The following PLEKHA7 variants were observed in gnomAD, a reference collection of about 807,000 sequenced individuals.
The protein encoded by PLEKHA7 is pleckstrin homology domain-containing family A member 7.
In PLEKHA7, 104 loss-of-function variants were observed where a neutral mutation model predicts 170.0. The ratio of observed to expected loss-of-function variants is 0.61; its 90% CI spans 0.52 to 0.72. The LOEUF (loss-of-function observed/expected upper bound fraction) is 0.72, where lower values mean the gene tolerates loss of function less well. Among genes scored for constraint, PLEKHA7 ranks in the 30% least tolerant of loss-of-function variants. The probability of loss-of-function intolerance (pLI) is 0.00; values close to 1 mark genes in which losing one functional copy is unlikely to be tolerated. For synonymous variants in PLEKHA7, 648 were observed against 660.8 expected, an observed-to-expected ratio of 0.98 and a Z score of 0.30; for missense variants, 1,615 against 1,671.7, an observed-to-expected ratio of 0.97 and a Z score of 0.59.
At chr11:16,947,785 G>A (rs1292290015) in intron 3 of PLEKHA7, among the ~76,000 whole-genome samples, 26 of 150,638 alleles carry the variant, frequency 1.7e-4, no homozygotes, top group African/African-American at 4.6e-4. Flanking sequence ...GCTTGGTGGC[G>A]CATGCCTGTA....
At chr11:16,816,376 A>C (rs1030636092) in intron 11 of PLEKHA7, 112 bp from the exon 12 acceptor site, 1 of 745,434 alleles carries the variant, frequency 1.3e-6, no homozygotes, top group Non-Finnish European at 2.4e-6. Context: ...TCATCTATGA[A>C]ATGAGCACAC....
rs191967661 is a variant in PLEKHA7, at chr11:16,864,383, T to G, written c.305+6716A>C. Reference sequence around the variant, plus strand: ...ATAATACTAGCAATACTATTAATATTATTTATTTTAAAAGCTCCCAACTCT... The same window carrying G: ...ATAATACTAGCAATACTATTAATATGATTTATTTTAAAAGCTCCCAACTCT... On this transcript the variant is annotated intron_variant, in intron 4 of 26. Transcript: ENST00000531066. Among the ~76,000 whole-genome samples the G allele has an allele frequency of 2.8e-3, 430 of 152,316 alleles. 1 individual carries two copies. Among genetic ancestry groups the G allele is most frequent in the African/African-American group, 9.8e-3 (407 of 41,566 alleles).
chr11:16,913,250 T>TC (rs1565108243), intron 3 of PLEKHA7, among the ~76,000 whole-genome samples: 1 of 152,004 alleles, frequency 6.6e-6, no homozygotes, highest in Admixed American at 6.5e-5. Flanking sequence ...CATTTTTTTT[T>TC]CCCCCAAAGA....
Position 16,794,600 on chromosome 11 carries a change from T to A in PLEKHA7, c.2633A>T (p.Glu878Val), listed in dbSNP as rs764066381. The A allele has an allele frequency of 6.2e-7, 1 of 1,613,440 alleles. No individual in the cohort carries two copies. Among genetic ancestry groups the A allele is most frequent in the Non-Finnish European group, 8.5e-7 (1 of 1,179,740 alleles). Reference protein sequence around the residue: ...PPTSPVRTPLEVRLFPQLQTY... With the variant: ...PPTSPVRTPLVVRLFPQLQTY... The stretch of plus-strand genomic sequence containing the variant: ...TTGCAGCTGGGGGAAGAGTCGAACC[T>A]CCAGAGGGGTCCGCACAGGGCTGGT... Residue 878 changes from glutamate (E) to valine (V), a missense_variant, in exon 19 of 27, where the codon GAG (glutamate) becomes GTG (valine). By Grantham distance (121) the Glu-to-Val change is moderately radical. Coordinates refer to ENST00000531066, the MANE Select transcript of PLEKHA7 (RefSeq NM_001329630.2).
intron 3 of PLEKHA7, among the ~76,000 whole-genome samples, chr11:17,004,023 GAA>G (rs1864832050): frequency 6.6e-6 from 1 of 152,214 alleles, no homozygotes; most frequent in Non-Finnish European, 1.5e-5. Flanking sequence ...ACCTAAGACT[GAA>G]CAGGGGGAAC....
In PLEKHA7 at chr11:16,777,375, TATTC is replaced by T. The variant is rs1424530927; in HGVS notation, c.*1619_*1622del. On this transcript the variant is annotated 3_prime_UTR_variant, in exon 27 of 27. Transcript: ENST00000531066. ...TTTAAATTAACTTTTTCTTGCAAAATATTCATTTCATTTTTTCCAAGAAAATCTT... is the reference window on the plus strand; with the variant it reads ...TTTAAATTAACTTTTTCTTGCAAAATATTTCATTTTTTCCAAGAAAATCTT... 1.3e-5 allele frequency: 2 copies of T among 152,200 alleles called. No homozygotes were observed. The highest frequency in any genetic ancestry group is 2.9e-5 in the Non-Finnish European group (2 of 68,030). The allele number at this position is 152,200 out of a possible 1,614,324, so 9.4% of individuals were successfully genotyped here.
At chr11:16,913,532 G>C (rs919468657) in intron 3 of PLEKHA7, among the ~76,000 whole-genome samples, 1 of 152,222 alleles carries the variant, frequency 6.6e-6, no homozygotes, top group Non-Finnish European at 1.5e-5. Flanking sequence ...AGGTGAACAA[G>C]GCTGCCTGCA....
chr11:16,949,187 C>G (rs953845889), intron 3 of PLEKHA7, among the ~76,000 whole-genome samples: 1 of 152,096 alleles, frequency 6.6e-6, no homozygotes, highest in African/African-American at 2.4e-5. Context: ...GTAACCCCCC[C>G]ATCTGCCTCC....
At chr11:16,885,266 G>A (rs1043833160) in intron 3 of PLEKHA7, among the ~76,000 whole-genome samples, 9 of 151,520 alleles carry the variant, frequency 5.9e-5, no homozygotes, top group Non-Finnish European at 1.3e-4. Flanking sequence ...GGTGGCAGAG[G>A]TTGCAGCGAG....
At chr11:16,836,894 G>C (rs916476209) in intron 9 of PLEKHA7, among the ~76,000 whole-genome samples, 2 of 151,702 alleles carry the variant, frequency 1.3e-5, no homozygotes, top group Non-Finnish European at 2.9e-5. Flanking sequence ...CATGATCTTG[G>C]CTCACTGAAA....
chr11:16,830,482 A>C (rs1851023671), intron 9 of PLEKHA7, among the ~76,000 whole-genome samples: 1 of 152,220 alleles, frequency 6.6e-6, no homozygotes, highest in African/African-American at 2.4e-5. Context: ...ATACCCAGGT[A>C]ATTGTATCTC....
At chr11:16,914,652 T>C (rs16933682) in intron 3 of PLEKHA7, among the ~76,000 whole-genome samples, 18,132 of 152,200 alleles carry the variant, frequency 0.12, 1,270 homozygotes, top group Admixed American at 0.17. Flanking sequence ...TTGGGACTTA[T>C]TGGATTAACC....
At position 16,782,788 on chromosome 11, in the gene PLEKHA7, G is replaced by C; in HGVS notation, c.3759C>G (p.Ala1253=). ...ERIINISYAL[A]SEASQRSKQV... is the part of the protein sequence containing the mutation. Reference sequence around the variant, plus strand: ...GCTTGCTACGCTGGGAGGCCTCGGAGGCCAGGGCGTAGGAGATGTTGATGA... The same window carrying C: ...GCTTGCTACGCTGGGAGGCCTCGGACGCCAGGGCGTAGGAGATGTTGATGA... The change falls in exon 26 of 27, where the codon GCC becomes GCG. Residue 1253 remains alanine, a synonymous_variant. Coordinates refer to ENST00000531066, the MANE Select transcript of PLEKHA7 (RefSeq NM_001329630.2). 6.5e-7 allele frequency: 1 copy of C among 1,536,188 alleles called. No homozygotes were observed. The highest frequency in any genetic ancestry group is 8.7e-7 in the Non-Finnish European group (1 of 1,146,918).
intron 3 of PLEKHA7, among the ~76,000 whole-genome samples, chr11:16,872,979 C>A (rs1194204447): frequency 6.6e-6 from 1 of 152,124 alleles, no homozygotes; most frequent in Non-Finnish European, 1.5e-5. Context: ...GTGCCTCCCC[C>A]CCACTATTAT....
chr11:16,873,229 C>T lies in PLEKHA7; in HGVS notation c.222-2047G>A, dbSNP rs767250925. Among the ~76,000 whole-genome samples, 38 of 152,294 alleles carry T rather than the reference C, an allele frequency of 2.5e-4. 1 individual carries two copies. Among genetic ancestry groups the T allele is most frequent in the Non-Finnish European group, 4.9e-4 (33 of 68,016 alleles). ...GATTACTATGTCTAAATCAGCATAGCACAAAGGTTATAAAAGAAAAACTCT... is the reference window on the plus strand; with the variant it reads ...GATTACTATGTCTAAATCAGCATAGTACAAAGGTTATAAAAGAAAAACTCT... On this transcript the variant is annotated intron_variant, in intron 3 of 26. Coordinates refer to ENST00000531066, the MANE Select transcript of PLEKHA7 (RefSeq NM_001329630.2).
At chr11:16,869,773 T>A (rs1854680575) in intron 4 of PLEKHA7, among the ~76,000 whole-genome samples, 1 of 152,148 alleles carries the variant, frequency 6.6e-6, no homozygotes, top group South Asian at 2.1e-4. Context: ...TATATTTTAA[T>A]TTTTTTCCAT....
At chr11:16,873,591 C>T (rs1425465407) in intron 3 of PLEKHA7, among the ~76,000 whole-genome samples, 1 of 152,226 alleles carries the variant, frequency 6.6e-6, no homozygotes, top group Non-Finnish European at 1.5e-5. Flanking sequence ...GGACAAGAAG[C>T]AGAAGCAGGC....
At chr11:16,976,798 G>A (rs1863094697) in intron 3 of PLEKHA7, among the ~76,000 whole-genome samples, 1 of 152,172 alleles carries the variant, frequency 6.6e-6, no homozygotes, top group Non-Finnish European at 1.5e-5. Context: ...TACTTTTAAA[G>A]CCAGACCCAA....
At chr11:16,864,628 G>A (rs1854240161) in intron 4 of PLEKHA7, among the ~76,000 whole-genome samples, 1 of 152,196 alleles carries the variant, frequency 6.6e-6, no homozygotes, top group Non-Finnish European at 1.5e-5. Context: ...TTGTGATAGT[G>A]AGTAAGTCTC....
Sources: allele counts gnomAD v4.1 joint callset (sites outside exome capture counted in the v4.1 genomes callset), GRCh38; gene constraint gnomAD v4.1.1; transcripts MANE v1.5; gene names NCBI Gene and HGNC (gene_info 2026-07-23, HGNC 2026-07-21).